Variants in SVOP observed in about 807,000 individuals in gnomAD.
SVOP encodes the protein SV2 related protein, also known as synaptic vesicle 2-related protein.
Under a neutral mutation model 69.1 loss-of-function variants are expected in SVOP, and 17 were observed. That is an observed-to-expected ratio of 0.25 (90% CI 0.17 to 0.37). The LOEUF (loss-of-function observed/expected upper bound fraction) is 0.37, where lower values mean the gene tolerates loss of function less well. Ranked by LOEUF, SVOP falls within the 10% of genes least tolerant of loss-of-function variation. The probability of loss-of-function intolerance (pLI) is 1.00; values close to 1 mark genes in which losing one functional copy is unlikely to be tolerated. For synonymous variants in SVOP, 238 were observed against 238.6 expected, an observed-to-expected ratio of 1.00 and a Z score of 0.02; for missense variants, 435 against 597.5, an observed-to-expected ratio of 0.73 and a Z score of 2.84.
intron 1 of SVOP, among the ~76,000 whole-genome samples, chr12:109,003,114 G>A (rs1020676623): frequency 4.6e-5 from 7 of 152,108 alleles, no homozygotes; most frequent in African/African-American, 1.7e-4. Flanking sequence ...GCATGCTACA[G>A]TCTGAGAAAT....
At chr12:108,977,309 C>T in intron 4 of SVOP, 89 bp downstream of exon 4, 1 of 1,443,848 alleles carries the variant, frequency 6.9e-7, no homozygotes, top group Non-Finnish European at 9.3e-7. Context: ...TCTGCTGAGC[C>T]TTCGGCAGCA....
At chr12:109,020,754 A>ACCCACCCCC in intron 1 of SVOP, 80 bp downstream of exon 1, 1 of 237,610 alleles carries the variant, frequency 4.2e-6, no homozygotes, top group South Asian at 3.4e-5. Context: ...GCAGAGATGT[A>ACCCACCCCC]CCCCCCCCCA....
At chr12:108,919,174 T>C (rs1593176362) in intron 13 of SVOP, among the ~76,000 whole-genome samples, 3 of 141,114 alleles carry the variant, frequency 2.1e-5, no homozygotes, top group Admixed American at 1.4e-4. Flanking sequence ...CCCACACTTG[T>C]ACCTACACTT....
At chr12:108,940,742 A>C in intron 8 of SVOP, 42 bp downstream of exon 8, 1 of 1,530,432 alleles carries the variant, frequency 6.5e-7, no homozygotes, top group Non-Finnish European at 8.8e-7. Flanking sequence ...GGACAGTAAG[A>C]TGTCAGACAG....
At chr12:108,968,629 T>A (rs558253752) in intron 5 of SVOP, among the ~76,000 whole-genome samples, 2 of 152,274 alleles carry the variant, frequency 1.3e-5, no homozygotes, top group South Asian at 4.1e-4. Flanking sequence ...CATTTTCTGT[T>A]ATATTCCTCA....
At chr12:108,971,880 C>T (rs2040081149) in intron 5 of SVOP, among the ~76,000 whole-genome samples, 1 of 151,992 alleles carries the variant, frequency 6.6e-6, no homozygotes, top group South Asian at 2.1e-4. Flanking sequence ...ATGGTGAAAT[C>T]CCATTTCTAC....
chr12:108,973,479 C>G (rs2040090535), intron 4 of SVOP, among the ~76,000 whole-genome samples: 1 of 152,142 alleles, frequency 6.6e-6, no homozygotes, highest in Non-Finnish European at 1.5e-5. Flanking sequence ...GCAGCCTCAG[C>G]CTCCTGGGCT....
rs777842966 is a variant in SVOP at position 108,922,717 on chromosome 12, G to A, written c.1129C>T (p.Leu377=). The A allele has an allele frequency of 3.7e-6, 6 of 1,610,890 alleles. No individual in the cohort carries two copies. In the South Asian group the frequency reaches 6.7e-5, roughly 18 times the overall value. ...GGAAACTCAGAGAGGGTGGTCCACA[G>A]CAAGTCCATGTAATCCTCCTCACTC... is the stretch of plus-strand genomic sequence containing the variant. ...YLSEEDYMDL[L]WTTLSEFPGV... Residue 377 remains leucine (L), a synonymous_variant, in exon 12 of 16, where the codon CTG becomes TTG. Transcript: ENST00000610966.
chr12:109,020,767 C>CCCCCCCCCCCCCT, intron 1 of SVOP, 67 bp downstream of exon 1: 1 of 434,700 alleles, frequency 2.3e-6, no homozygotes, highest in Non-Finnish European at 4.5e-6. Context: ...CCCCCCCACC[C>CCCCCCCCCCCCCT]CCCTTGCAGG....
chr12:109,013,529 T>G (rs1036368488), intron 1 of SVOP, among the ~76,000 whole-genome samples: 3 of 152,080 alleles, frequency 2.0e-5, no homozygotes, highest in African/African-American at 7.2e-5. Context: ...TAGCTGAGAT[T>G]ATAGGTGCAT....
chr12:108,953,971 G>T (rs1467227238), intron 6 of SVOP, among the ~76,000 whole-genome samples: 1 of 152,002 alleles, frequency 6.6e-6, no homozygotes, highest in South Asian at 2.1e-4. Context: ...AATTAGCCGG[G>T]TGTGGTGGCT....
At chr12:109,010,033 G>A (rs2040331822) in intron 1 of SVOP, among the ~76,000 whole-genome samples, 1 of 151,516 alleles carries the variant, frequency 6.6e-6, no homozygotes, top group African/African-American at 2.4e-5. Flanking sequence ...TGAGGCGGGA[G>A]GATTGCTAGA....
chr12:108,927,505 A>C (rs1011413043), intron 11 of SVOP, among the ~76,000 whole-genome samples: 4 of 152,112 alleles, frequency 2.6e-5, no homozygotes, highest in African/African-American at 9.7e-5. Flanking sequence ...CTTCCCCCCA[A>C]ATATAAGCCC....
chr12:108,974,547 G>A (rs906161738), intron 4 of SVOP, among the ~76,000 whole-genome samples: 4 of 151,716 alleles, frequency 2.6e-5, no homozygotes, highest in East Asian at 1.9e-4. Context: ...CCTGGGCAAC[G>A]TGGTGAAACT....
chr12:108,970,334 G>A (rs140783696), intron 5 of SVOP, among the ~76,000 whole-genome samples: 6 of 152,344 alleles, frequency 3.9e-5, no homozygotes, highest in East Asian at 3.9e-4. Flanking sequence ...CCCACTCTCC[G>A]TGCCTCAGTT....
Position 108,912,555 on chromosome 12 carries a change from T to G in SVOP, c.1627A>C (p.Asn543His), listed in dbSNP as rs775028059. ...GMHGAGVTRS[N>H]SGSQE Reference sequence around the variant, plus strand: ...GGTCACTATTCCTGAGAGCCAGAGTTCGACCTGGTAACACCTGCACCGTGC... The same window carrying G: ...GGTCACTATTCCTGAGAGCCAGAGTGCGACCTGGTAACACCTGCACCGTGC... The change falls in exon 16 of 16, where the codon AAC (asparagine) becomes CAC (histidine). Residue 543 changes from asparagine to histidine, a missense_variant. Asn to His is a moderately conservative substitution (Grantham distance 68, BLOSUM62 1). Transcript: ENST00000610966. 1 of 1,613,744 alleles carries G rather than the reference T, an allele frequency of 6.2e-7. No individual in the cohort carries two copies. The highest frequency in any genetic ancestry group is 2.2e-5 in the East Asian group (1 of 44,872).
At chr12:108,972,732 G>A (rs751472707) in intron 4 of SVOP, among the ~76,000 whole-genome samples, 10 of 152,226 alleles carry the variant, frequency 6.6e-5, no homozygotes, top group East Asian at 1.9e-4. Context: ...CAGGACCAGC[G>A]TCACAGAGGC....
chr12:108,959,942 T>C (rs1193339243), intron 6 of SVOP, among the ~76,000 whole-genome samples: 1 of 152,244 alleles, frequency 6.6e-6, no homozygotes, highest in Non-Finnish European at 1.5e-5. Flanking sequence ...TTTACCTCTC[T>C]GTGCCTCAGT....
At chr12:109,008,402 G>A (rs1391590836) in intron 1 of SVOP, among the ~76,000 whole-genome samples, 1 of 152,188 alleles carries the variant, frequency 6.6e-6, no homozygotes, top group African/African-American at 2.4e-5. Context: ...GGGGTTGGAT[G>A]TGATGACCTT....
Sources: allele counts gnomAD v4.1 joint callset (sites outside exome capture counted in the v4.1 genomes callset), GRCh38; gene constraint gnomAD v4.1.1; transcripts MANE v1.5; gene names NCBI Gene and HGNC (gene_info 2026-07-23, HGNC 2026-07-21).